The following NALF1 variants were observed in gnomAD, a reference collection of about 807,000 sequenced individuals.
NALF1 encodes NALCN channel auxiliary factor 1, also known as family with sequence similarity 155 member A.
NALF1 carries 3 observed loss-of-function variants against 48.4 expected under a neutral mutation model. The observed-to-expected ratio is 0.06, with a 90% CI of 0.03 to 0.16. The LOEUF is 0.16. Among genes scored for constraint, NALF1 ranks in the 10% least tolerant of loss-of-function variants. NALF1 has a pLI of 1.00. For missense variants in NALF1, 526 were observed against 571.5 expected, an observed-to-expected ratio of 0.92 and a Z score of 0.81; for synonymous variants, 262 against 245.7, an observed-to-expected ratio of 1.07 and a Z score of -0.62.
At chr13:107,716,920 C>A (rs1423339517) in intron 1 of NALF1, among the ~76,000 whole-genome samples, 2 of 152,104 alleles carry the variant, frequency 1.3e-5, no homozygotes, top group African/African-American at 4.8e-5. Flanking sequence ...GCCCAGGATA[C>A]TTTGAATAAA....
intron 1 of NALF1, among the ~76,000 whole-genome samples, chr13:107,809,138 G>A (rs1009766448): frequency 6.6e-6 from 1 of 151,846 alleles, no homozygotes; most frequent in Admixed American, 6.6e-5. Context: ...ATGGAGTTTG[G>A]GGATTCAGCA....
chr13:107,236,711 AT>A (rs1174576756), intron 1 of NALF1, among the ~76,000 whole-genome samples: 1 of 149,646 alleles, frequency 6.7e-6, no homozygotes, highest in African/African-American at 2.5e-5. Flanking sequence ...CTATCTATCT[AT>A]CTATCTATCT....
chr13:107,584,772 C>T (rs1175554809), intron 1 of NALF1, among the ~76,000 whole-genome samples: 13 of 152,186 alleles, frequency 8.5e-5, no homozygotes, highest in African/African-American at 3.1e-4. Flanking sequence ...CCATGCCTCA[C>T]TCCACGTGAA....
chr13:107,258,209 T>C (rs1880859594), intron 1 of NALF1, among the ~76,000 whole-genome samples: 1 of 152,220 alleles, frequency 6.6e-6, no homozygotes, highest in African/African-American at 2.4e-5. Context: ...TGATTATAGG[T>C]AAAATCAATA....
chr13:107,455,390 T>G (rs1254991037), intron 1 of NALF1, among the ~76,000 whole-genome samples: 1 of 152,178 alleles, frequency 6.6e-6, no homozygotes, highest in Non-Finnish European at 1.5e-5. Flanking sequence ...TCAGAGCATG[T>G]TTAGTTTCAC....
chr13:107,346,170 C>A (rs114823003), intron 1 of NALF1, among the ~76,000 whole-genome samples: 2 of 150,760 alleles, frequency 1.3e-5, no homozygotes, highest in East Asian at 3.9e-4. Flanking sequence ...TTGTTGGGGG[C>A]GGGGGGGCAG....
At chr13:107,446,348 G>C (rs1190594373) in intron 1 of NALF1, among the ~76,000 whole-genome samples, 1 of 151,804 alleles carries the variant, frequency 6.6e-6, no homozygotes, top group Non-Finnish European at 1.5e-5. Context: ...ACAAGGAAGA[G>C]AAGTAGCAAG....
intron 1 of NALF1, among the ~76,000 whole-genome samples, chr13:107,861,449 T>C (rs1183033075): frequency 6.6e-6 from 1 of 152,186 alleles, no homozygotes; most frequent in Admixed American, 6.5e-5. Context: ...GGTTCAAAAT[T>C]TAAGTGATAA....
At chr13:107,513,049 AAT>A (rs1413136482) in intron 1 of NALF1, among the ~76,000 whole-genome samples, 1 of 152,208 alleles carries the variant, frequency 6.6e-6, no homozygotes, top group Non-Finnish European at 1.5e-5. Flanking sequence ...ACTTCAAGCC[AAT>A]ATGTCTTCCA....
rs115928942 is a variant in NALF1, at chr13:107,319,701, G to A, written c.916-108946C>T. Reference sequence around the variant, plus strand: ...AGATGAATAAATAGGAGTACTGAAGGTTTAAATTACTTTTCCAAGTTCATG... The same window carrying A: ...AGATGAATAAATAGGAGTACTGAAGATTTAAATTACTTTTCCAAGTTCATG... On this transcript the variant is annotated intron_variant, in intron 1 of 2. Transcript: ENST00000375915. Among the ~76,000 whole-genome samples the A allele has an allele frequency of 6.1e-3, 930 of 152,170 alleles. 8 individuals carry two copies. Among genetic ancestry groups the A allele is most frequent in the African/African-American group, 0.022 (896 of 41,508 alleles).
At chr13:107,605,734 G>A (rs1210852935) in intron 1 of NALF1, among the ~76,000 whole-genome samples, 1 of 152,166 alleles carries the variant, frequency 6.6e-6, no homozygotes, top group African/African-American at 2.4e-5. Context: ...CTAGACAAGG[G>A]TGTTGCAGAT....
At chr13:107,651,919 C>A (rs183132971) in intron 1 of NALF1, among the ~76,000 whole-genome samples, 3 of 152,070 alleles carry the variant, frequency 2.0e-5, no homozygotes, top group Admixed American at 1.3e-4. Context: ...CTGCTCTTTG[C>A]GAATATATCA....
At chr13:107,758,525 T>C (rs1007630421) in intron 1 of NALF1, among the ~76,000 whole-genome samples, 1 of 151,920 alleles carries the variant, frequency 6.6e-6, no homozygotes, top group African/African-American at 2.4e-5. Context: ...ATAGAGACCA[T>C]CCTGGCTAAC....
intron 1 of NALF1, among the ~76,000 whole-genome samples, chr13:107,276,685 A>G (rs1881288272): frequency 6.6e-6 from 1 of 152,190 alleles, no homozygotes; most frequent in Non-Finnish European, 1.5e-5. Flanking sequence ...ATAACAAAAA[A>G]TTAAACTCTT....
intron 1 of NALF1, among the ~76,000 whole-genome samples, chr13:107,684,099 G>C (rs1881371115): frequency 1.3e-5 from 2 of 152,184 alleles, no homozygotes; most frequent in Admixed American, 6.5e-5. Flanking sequence ...TTCCAGGCAA[G>C]GGCGAGCCAC....
intron 1 of NALF1, among the ~76,000 whole-genome samples, chr13:107,265,870 C>T (rs1261284399): frequency 6.6e-6 from 1 of 152,074 alleles, no homozygotes; most frequent in Non-Finnish European, 1.5e-5. Context: ...TAAAAAGTAT[C>T]TCATAAAGAA....
intron 1 of NALF1, among the ~76,000 whole-genome samples, chr13:107,682,134 C>T (rs1881320051): frequency 6.6e-6 from 1 of 152,220 alleles, no homozygotes. Flanking sequence ...CTGCTTTCTC[C>T]TAGGTCGTGC....
intron 1 of NALF1, among the ~76,000 whole-genome samples, chr13:107,749,367 T>C (rs538998673): frequency 1.3e-5 from 2 of 152,236 alleles, no homozygotes; most frequent in African/African-American, 2.4e-5. Context: ...TCTCCTTCCA[T>C]GTGAATCACC....
Position 107,163,842 on chromosome 13 carries a change from T to C in NALF1, c.*6655A>G, listed in dbSNP as rs955762352. 6.6e-6 allele frequency: 1 copy of C among 152,084 alleles called. No individual in the cohort carries two copies. The highest frequency in any genetic ancestry group is 1.5e-5 in the Non-Finnish European group (1 of 68,000). 9.4% of individuals were successfully genotyped at this position (152,084 alleles called of 1,614,324 possible). A position where few individuals can be genotyped will look rare whatever the true frequency, so the allele number is the denominator to read the frequency against. On this transcript the variant is annotated 3_prime_UTR_variant, in exon 3 of 3. Transcript: ENST00000375915. ...GCAAACATGAGAATGCTTATCATGA[T>C]ATGAAAATAAATGCCATATGCAGAA...
Sources: allele counts gnomAD v4.1 joint callset (sites outside exome capture counted in the v4.1 genomes callset), GRCh38; gene constraint gnomAD v4.1.1; transcripts MANE v1.5; gene names NCBI Gene and HGNC (gene_info 2026-07-23, HGNC 2026-07-21).